ZNF804A: variants seen among roughly 807,000 people sequenced by gnomAD.
ZNF804A encodes zinc finger protein 804A.
ZNF804A carries 2 observed loss-of-function variants against 16.5 expected under a neutral mutation model. The ratio of observed to expected loss-of-function variants is 0.12; its 90% confidence interval spans 0.05 to 0.38. The LOEUF is 0.38. Among genes scored for constraint, ZNF804A ranks in the 10% least tolerant of loss-of-function variants. The probability of loss-of-function intolerance (pLI) is 0.99; values close to 1 mark genes in which losing one functional copy is unlikely to be tolerated. For missense variants in ZNF804A, 1,473 were observed against 1,390.7 expected (o/e 1.06, Z -0.94); for synonymous variants, 534 against 489.6 (o/e 1.09, Z -1.20).
chr2:184,730,969 A>G (rs1693504473), intron 1 of ZNF804A, among the ~76,000 whole-genome samples: 1 of 151,928 alleles, frequency 6.6e-6, no homozygotes, highest in Non-Finnish European at 1.5e-5. Flanking sequence ...TGGGCCAGGC[A>G]TGGTAGCTCA....
intron 1 of ZNF804A, among the ~76,000 whole-genome samples, chr2:184,638,702 A>G (rs999397551): frequency 4.6e-5 from 7 of 152,186 alleles, no homozygotes; most frequent in African/African-American, 1.7e-4. Flanking sequence ...ACCATTTCCA[A>G]TGTCTTGCCT....
rs1219364182 is a variant in ZNF804A, at chr2:184,636,603, GT to G, written c.111+37535del. Among the ~76,000 whole-genome samples the G allele has an allele frequency of 3.3e-5, 5 of 150,686 alleles. No individual in the cohort carries two copies. In the Admixed American group the frequency reaches 3.3e-4, roughly 10 times the overall value. ...TGTGTGTGTGTGTCTGTGTTAGTGTGTTCCCCCAGTCATAATGAAAAATTGT... is the reference window on the plus strand; with the variant it reads ...TGTGTGTGTGTGTCTGTGTTAGTGTGTCCCCCAGTCATAATGAAAAATTGT... On this transcript the variant is annotated intron_variant, in intron 1 of 3. Coordinates refer to ENST00000302277, the MANE Select transcript of ZNF804A (RefSeq NM_194250.2).
intron 1 of ZNF804A, among the ~76,000 whole-genome samples, chr2:184,788,499 T>G (rs988182321): frequency 5.3e-5 from 8 of 152,068 alleles, no homozygotes; most frequent in African/African-American, 1.9e-4. Context: ...GCTGGTGTTG[T>G]CTACAGTTTC....
intron 1 of ZNF804A, among the ~76,000 whole-genome samples, chr2:184,720,712 C>A (rs1693299034): frequency 6.6e-6 from 1 of 152,070 alleles, no homozygotes; most frequent in Non-Finnish European, 1.5e-5. Context: ...AGTGCAATCT[C>A]TATCAAAGTA....
intron 1 of ZNF804A, among the ~76,000 whole-genome samples, chr2:184,770,948 A>T (rs112918004): frequency 6.6e-6 from 1 of 152,038 alleles, no homozygotes; most frequent in African/African-American, 2.4e-5. Flanking sequence ...TCACCCAAAG[A>T]CAGATACGTA....
chr2:184,641,210 C>G (rs1446979952), intron 1 of ZNF804A, among the ~76,000 whole-genome samples: 1 of 152,142 alleles, frequency 6.6e-6, no homozygotes, highest in Non-Finnish European at 1.5e-5. Flanking sequence ...CTCGGCTTCC[C>G]AAAGTGCTGT....
At chr2:184,822,683 TTTGGG>T (rs1003597854) in intron 1 of ZNF804A, among the ~76,000 whole-genome samples, 2 of 152,100 alleles carry the variant, frequency 1.3e-5, no homozygotes, top group Non-Finnish European at 2.9e-5. Flanking sequence ...AGGATAGAAC[TTTGGG>T]TGAGGAATGG....
intron 1 of ZNF804A, among the ~76,000 whole-genome samples, chr2:184,711,399 G>A (rs988265092): frequency 6.6e-6 from 1 of 151,656 alleles, no homozygotes; most frequent in African/African-American, 2.4e-5. Context: ...GCATATTTTA[G>A]ATATTGATCC....
intron 1 of ZNF804A, among the ~76,000 whole-genome samples, chr2:184,673,505 A>G (rs1692371356): frequency 6.6e-6 from 1 of 152,214 alleles, no homozygotes; most frequent in Non-Finnish European, 1.5e-5. Context: ...GGAGCACCTA[A>G]TTGTCCAAGG....
chr2:184,797,696 T>C (rs571968510), intron 1 of ZNF804A, among the ~76,000 whole-genome samples: 3 of 152,274 alleles, frequency 2.0e-5, no homozygotes, highest in East Asian at 3.9e-4. Flanking sequence ...AATGTTAGTA[T>C]TGAGATGTGA....
chr2:184,775,386 A>G (rs1437608995), intron 1 of ZNF804A, among the ~76,000 whole-genome samples: 3 of 151,716 alleles, frequency 2.0e-5, no homozygotes, highest in Non-Finnish European at 4.4e-5. Flanking sequence ...CCAGTGTAGT[A>G]ATAGTCATTG....
At chr2:184,762,073 C>A (rs1694043826) in intron 1 of ZNF804A, among the ~76,000 whole-genome samples, 1 of 152,050 alleles carries the variant, frequency 6.6e-6, no homozygotes, top group South Asian at 2.1e-4. Flanking sequence ...CTGTCACATT[C>A]CATGATGTCT....
intron 1 of ZNF804A, among the ~76,000 whole-genome samples, chr2:184,790,825 G>C (rs112849360): frequency 6.6e-6 from 1 of 151,950 alleles, no homozygotes; most frequent in African/African-American, 2.4e-5. Context: ...GGATGGTCTC[G>C]ATCTCCTGAC....
At chr2:184,612,243 T>C (rs2067816270) in intron 1 of ZNF804A, among the ~76,000 whole-genome samples, 1 of 152,114 alleles carries the variant, frequency 6.6e-6, no homozygotes, top group South Asian at 2.1e-4. Context: ...TGATATTATA[T>C]AAATAGAAAA....
intron 2 of ZNF804A, among the ~76,000 whole-genome samples, chr2:184,917,894 G>A (rs530712694): frequency 4.6e-5 from 7 of 151,780 alleles, no homozygotes; most frequent in Non-Finnish European, 8.8e-5. Context: ...TGGCCACATG[G>A]TTATTGCCAG....
At chr2:184,665,983 T>C (rs1692248247) in intron 1 of ZNF804A, among the ~76,000 whole-genome samples, 1 of 152,180 alleles carries the variant, frequency 6.6e-6, no homozygotes, top group Non-Finnish European at 1.5e-5. Flanking sequence ...GGATAATCTC[T>C]CTATTTTAAT....
chr2:184,896,714 C>A (rs1441453730), intron 2 of ZNF804A, among the ~76,000 whole-genome samples: 1 of 151,766 alleles, frequency 6.6e-6, no homozygotes. Context: ...TTTTTGTTTT[C>A]TTGTTTGCTA....
chr2:184,773,676 T>C (rs901540588), intron 1 of ZNF804A, among the ~76,000 whole-genome samples: 1 of 151,680 alleles, frequency 6.6e-6, no homozygotes, highest in Non-Finnish European at 1.5e-5. Flanking sequence ...AGGTGAGGTA[T>C]AAAGACTACA....
chr2:184,723,597 C>T (rs906804408), intron 1 of ZNF804A, among the ~76,000 whole-genome samples: 4 of 151,570 alleles, frequency 2.6e-5, no homozygotes, highest in African/African-American at 4.8e-5. Flanking sequence ...TGTTTTCATC[C>T]GAAGTTGTAA....
Sources: gnomAD v4.1 joint callset for allele counts (sites outside exome capture counted in the v4.1 genomes callset) on GRCh38, gnomAD v4.1.1 for gene constraint, MANE v1.5 for transcripts, NCBI Gene and HGNC (gene_info 2026-07-23, HGNC 2026-07-21) for gene names.